EYA4: variants seen among roughly 807,000 people sequenced by gnomAD.
The protein encoded by EYA4 is protein phosphatase EYA4.
A neutral mutation model predicts 87.9 loss-of-function variants in EYA4; 31 were observed. The observed-to-expected ratio is 0.35, with a 90% CI of 0.27 to 0.48. EYA4 has a LOEUF of 0.48. EYA4 is among the 20% of genes least tolerant of loss of function. The pLI, the probability that EYA4 is intolerant of heterozygous loss-of-function variation, is 0.99. For missense variants in EYA4, 678 were observed against 761.4 expected (o/e 0.89, Z 1.29); for synonymous variants, 263 against 270.6 (o/e 0.97, Z 0.28).
intron 2 of EYA4, among the ~76,000 whole-genome samples, chr6:133,359,589 T>G (rs932451369): frequency 6.6e-6 from 1 of 152,254 alleles, no homozygotes. Context: ...CAATGGCTTC[T>G]GTGTGAGAGC....
intron 1 of EYA4, among the ~76,000 whole-genome samples, chr6:133,269,198 G>A (rs211441): frequency 0.13 from 20,419 of 152,168 alleles, 1,787 homozygotes; most frequent in East Asian, 0.22. Flanking sequence ...GGCAGAGGTC[G>A]CAGTGAGCTG....
At chr6:133,289,023 A>G (rs1253550379) in intron 2 of EYA4, among the ~76,000 whole-genome samples, 2 of 152,200 alleles carry the variant, frequency 1.3e-5, no homozygotes, top group Non-Finnish European at 2.9e-5. Context: ...AAAGTTTGTA[A>G]GTTTAAAGAA....
chr6:133,441,222 A>T (rs1792251226), intron 3 of EYA4, among the ~76,000 whole-genome samples: 1 of 152,104 alleles, frequency 6.6e-6, no homozygotes, highest in South Asian at 2.1e-4. Context: ...CCAGCTTCAG[A>T]TATCCTGGTC....
intron 12 of EYA4, among the ~76,000 whole-genome samples, chr6:133,482,210 G>A (rs548193958): frequency 1.8e-4 from 28 of 152,166 alleles, no homozygotes; most frequent in African/African-American, 5.1e-4. Context: ...CACATACTTC[G>A]GTTAAGAAAA....
chr6:133,392,395 A>G (rs529542808), intron 3 of EYA4, among the ~76,000 whole-genome samples: 1 of 152,290 alleles, frequency 6.6e-6, no homozygotes, highest in South Asian at 2.1e-4. Context: ...TAGAGCCCAG[A>G]TTTAAAACTT....
chr6:133,414,973 T>G (rs1185070134), intron 3 of EYA4, among the ~76,000 whole-genome samples: 1 of 152,032 alleles, frequency 6.6e-6, no homozygotes, highest in Admixed American at 6.5e-5. Context: ...GGAGCCTTTA[T>G]TTTATGCCAT....
Position 133,530,320 on chromosome 6 carries a change from A to G in EYA4, c.*1515A>G. 1.0e-6 allele frequency: 1 copy of G among 985,442 alleles called. No homozygotes were observed. Among genetic ancestry groups the G allele is most frequent in the Non-Finnish European group, 1.2e-6 (1 of 829,930 alleles). The allele number at this position is 985,442 out of a possible 1,614,324, so 61.0% of individuals were successfully genotyped here. ...GCATTCATTACAAGAAGAGCCCATC[A>G]TCGTTGTGTTTGCATGGTTTTTTTC... On this transcript the variant is annotated 3_prime_UTR_variant, in exon 20 of 20. Transcript: ENST00000355286.
At chr6:133,276,841 A>G (rs1288518789) in intron 2 of EYA4, among the ~76,000 whole-genome samples, 1 of 151,902 alleles carries the variant, frequency 6.6e-6, no homozygotes, top group Non-Finnish European at 1.5e-5. Flanking sequence ...AGCTCTCTCC[A>G]TAACATCGAC....
intron 13 of EYA4, among the ~76,000 whole-genome samples, chr6:133,494,765 T>A (rs1797487304): frequency 1.3e-5 from 2 of 151,450 alleles, no homozygotes; most frequent in African/African-American, 4.9e-5. Flanking sequence ...TGTTGGAGGA[T>A]CATTTGAGCT....
intron 3 of EYA4, among the ~76,000 whole-genome samples, chr6:133,387,491 A>T (rs1786853398): frequency 1.3e-5 from 2 of 152,168 alleles, no homozygotes; most frequent in African/African-American, 4.8e-5. Flanking sequence ...TAAATACCTT[A>T]AATTCTCTCA....
chr6:133,345,903 A>G (rs866195981), intron 2 of EYA4, among the ~76,000 whole-genome samples: 13 of 152,222 alleles, frequency 8.5e-5, no homozygotes, highest in Middle Eastern at 3.2e-3. Flanking sequence ...TCTTTTAGAG[A>G]AACTGAGTAT....
intron 2 of EYA4, among the ~76,000 whole-genome samples, chr6:133,332,743 T>A (rs1269991972): frequency 6.8e-6 from 1 of 146,906 alleles, no homozygotes; most frequent in African/African-American, 2.5e-5. Flanking sequence ...TTTTGTATTT[T>A]AGCAGAGACG....
chr6:133,490,606 AAAG>A (rs1202763380), intron 13 of EYA4, among the ~76,000 whole-genome samples: 1 of 152,148 alleles, frequency 6.6e-6, no homozygotes, highest in Non-Finnish European at 1.5e-5. Flanking sequence ...AAATTAGACA[AAAG>A]AAGGTCATCA....
intron 2 of EYA4, among the ~76,000 whole-genome samples, chr6:133,367,379 A>G (rs1784932882): frequency 6.6e-6 from 1 of 152,250 alleles, no homozygotes; most frequent in Non-Finnish European, 1.5e-5. Context: ...ATGAAACTGC[A>G]GTAATTAATT....
At chr6:133,268,358 A>G (rs1243597031) in intron 1 of EYA4, among the ~76,000 whole-genome samples, 1 of 152,204 alleles carries the variant, frequency 6.6e-6, no homozygotes, top group Non-Finnish European at 1.5e-5. Context: ...AATGAATTGT[A>G]TGGTCTCTTT....
intron 13 of EYA4, 91 bp downstream of exon 13, chr6:133,483,206 G>T (rs1796370507): frequency 1.6e-5 from 15 of 921,638 alleles, no homozygotes; most frequent in East Asian, 2.6e-5. Context: ...TCTTTTAAGT[G>T]TTTTTTTATT....
At chr6:133,520,199 C>G (rs1799988014) in intron 17 of EYA4, among the ~76,000 whole-genome samples, 1 of 151,762 alleles carries the variant, frequency 6.6e-6, no homozygotes, top group South Asian at 2.1e-4. Context: ...CAAATTGTCC[C>G]TCTTTGCAGA....
At chr6:133,439,580 A>C (rs901787998) in intron 3 of EYA4, 7 of 152,262 alleles carry the variant, frequency 4.6e-5, no homozygotes, top group Admixed American at 3.3e-4. Flanking sequence ...TCTTCTGTCC[A>C]GAGTTGTACA....
At chr6:133,517,919 T>C (rs1207810635) in intron 17 of EYA4, among the ~76,000 whole-genome samples, 2 of 152,164 alleles carry the variant, frequency 1.3e-5, no homozygotes, top group Non-Finnish European at 2.9e-5. Flanking sequence ...CAATTAGATT[T>C]CTCCCTGTGT....
Sources: gnomAD v4.1 joint callset for allele counts (sites outside exome capture counted in the v4.1 genomes callset) on GRCh38, gnomAD v4.1.1 for gene constraint, MANE v1.5 for transcripts, NCBI Gene and HGNC (gene_info 2026-07-23, HGNC 2026-07-21) for gene names.